The following SLC35F3 variants were observed in gnomAD, a reference collection of about 807,000 sequenced individuals.
SLC35F3 encodes solute carrier family 35 member F3.
In SLC35F3, 25 loss-of-function variants were observed where a neutral mutation model predicts 49.9. That is an observed-to-expected ratio of 0.50 (90% CI 0.37 to 0.70). The LOEUF (loss-of-function observed/expected upper bound fraction) is 0.70. Ranked by LOEUF, SLC35F3 falls within the 30% of genes least tolerant of loss-of-function variation. The pLI is 0.00. For missense variants in SLC35F3, 525 were observed against 639.8 expected, an observed-to-expected ratio of 0.82 and a Z score of 1.94; for synonymous variants, 275 against 265.4, an observed-to-expected ratio of 1.04 and a Z score of -0.35.
At chr1:234,223,311 G>A (rs1012261525) in intron 2 of SLC35F3, among the ~76,000 whole-genome samples, 1 of 152,100 alleles carries the variant, frequency 6.6e-6, no homozygotes, top group Non-Finnish European at 1.5e-5. Flanking sequence ...GCTGGATCAC[G>A]ACCTGACTCT....
rs538541602 is a variant in SLC35F3, at chr1:234,007,135, G to C, written c.283+101377G>C. ...GATGGTGGGCTGGATTTGGCTCAAG[G>C]CTGTAGTTTTCTGATCCCTGTTCTA... On this transcript the variant is annotated intron_variant, in intron 2 of 7. Coordinates refer to ENST00000366618, the MANE Select transcript of SLC35F3 (RefSeq NM_173508.4). Among the ~76,000 whole-genome samples, 49 of 152,200 alleles carry C rather than the reference G, an allele frequency of 3.2e-4. 1 individual carries two copies. The highest frequency in any genetic ancestry group is 1.1e-3 in the African/African-American group (46 of 41,496).
intron 5 of SLC35F3, among the ~76,000 whole-genome samples, chr1:234,317,751 C>T (rs1352904717): frequency 6.6e-6 from 1 of 152,146 alleles, no homozygotes; most frequent in African/African-American, 2.4e-5. Context: ...AATCTAGCAC[C>T]ACTCTGAGAC....
chr1:234,181,858 T>G (rs1329820173), intron 2 of SLC35F3, among the ~76,000 whole-genome samples: 1 of 152,214 alleles, frequency 6.6e-6, no homozygotes, highest in Non-Finnish European at 1.5e-5. Context: ...AAATACATAT[T>G]GTCTGGTTAT....
At chr1:234,220,907 C>T (rs1195099010) in intron 2 of SLC35F3, among the ~76,000 whole-genome samples, 2 of 151,942 alleles carry the variant, frequency 1.3e-5, no homozygotes, top group African/African-American at 2.4e-5. Flanking sequence ...ATGTAGGAGG[C>T]AGGGAAGTGG....
intron 3 of SLC35F3, among the ~76,000 whole-genome samples, chr1:234,302,620 G>A (rs1439222836): frequency 3.9e-5 from 6 of 152,122 alleles, no homozygotes; most frequent in African/African-American, 1.4e-4. Flanking sequence ...AAATGGGTAC[G>A]GGAAAAAGAG....
chr1:234,286,318 T>A (rs1244521814), intron 3 of SLC35F3, among the ~76,000 whole-genome samples: 1 of 150,328 alleles, frequency 6.7e-6, no homozygotes, highest in East Asian at 2.0e-4. Context: ...AAGGGCCAAA[T>A]AGAACAGAAA....
At chr1:234,123,824 C>T (rs1665610159) in intron 2 of SLC35F3, among the ~76,000 whole-genome samples, 1 of 152,182 alleles carries the variant, frequency 6.6e-6, no homozygotes, top group African/African-American at 2.4e-5. Flanking sequence ...AAAAGCCCAT[C>T]TTCAGGCCTG....
chr1:234,207,597 A>G (rs151036388), intron 2 of SLC35F3, among the ~76,000 whole-genome samples: 1 of 151,762 alleles, frequency 6.6e-6, no homozygotes, highest in African/African-American at 2.4e-5. Context: ...GACCTAGGAG[A>G]TTACCTAGTT....
chr1:233,954,906 C>T (rs773629982), intron 2 of SLC35F3, among the ~76,000 whole-genome samples: 7 of 152,080 alleles, frequency 4.6e-5, no homozygotes, highest in Non-Finnish European at 8.8e-5. Context: ...TGCAATGGTG[C>T]GATCTTGGCT....
At chr1:234,073,515 TC>T (rs1445426444) in intron 2 of SLC35F3, among the ~76,000 whole-genome samples, 2 of 152,128 alleles carry the variant, frequency 1.3e-5, no homozygotes, top group Non-Finnish European at 2.9e-5. Flanking sequence ...ACAAAAGTCA[TC>T]ATGGAAAGAA....
At position 234,308,499 on chromosome 1, in the gene SLC35F3, A is replaced by C. The variant is rs1453984476; in HGVS notation, c.609-602A>C. 3.9e-5 allele frequency among the ~76,000 whole-genome samples: 6 copies of C among 151,984 alleles called. 1 individual carries two copies. Among genetic ancestry groups the C allele is most frequent in the African/African-American group, 1.5e-4 (6 of 41,342 alleles). ...TAGCTCATCAGCTATCGTTAGTGTTAGTGTAGTTTGTATGTGGCCTAAGAC... is the reference window on the plus strand; with the variant it reads ...TAGCTCATCAGCTATCGTTAGTGTTCGTGTAGTTTGTATGTGGCCTAAGAC... On this transcript the variant is annotated intron_variant, in intron 3 of 7. Coordinates refer to ENST00000366618, the MANE Select transcript of SLC35F3 (RefSeq NM_173508.4).
chr1:234,293,865 CT>C (rs1240723782), intron 3 of SLC35F3, among the ~76,000 whole-genome samples: 1 of 152,218 alleles, frequency 6.6e-6, no homozygotes, highest in Non-Finnish European at 1.5e-5. Context: ...AAACTGTTCT[CT>C]TTAGGAATGA....
intron 2 of SLC35F3, among the ~76,000 whole-genome samples, chr1:234,121,982 G>A (rs1445993961): frequency 6.6e-6 from 1 of 152,186 alleles, no homozygotes; most frequent in African/African-American, 2.4e-5. Context: ...GGACATTTGG[G>A]TTGGTTCCAA....
At chr1:234,080,028 C>T (rs956647838) in intron 2 of SLC35F3, among the ~76,000 whole-genome samples, 3 of 152,146 alleles carry the variant, frequency 2.0e-5, no homozygotes, top group Non-Finnish European at 4.4e-5. Flanking sequence ...TGAGGTGACT[C>T]TTGGAGGGTG....
intron 2 of SLC35F3, among the ~76,000 whole-genome samples, chr1:233,980,872 A>G (rs1342988441): frequency 6.6e-6 from 1 of 152,362 alleles, no homozygotes; most frequent in African/African-American, 2.4e-5. Flanking sequence ...TTGTCTTAGC[A>G]TGTTTAATGC....
At chr1:234,277,012 G>A (rs573107517) in intron 3 of SLC35F3, among the ~76,000 whole-genome samples, 72 of 152,318 alleles carry the variant, frequency 4.7e-4, no homozygotes, top group African/African-American at 1.7e-3. Flanking sequence ...TCAATGCTGG[G>A]CTTTCTCTGA....
intron 3 of SLC35F3, among the ~76,000 whole-genome samples, chr1:234,277,893 G>T (rs774402570): frequency 6.6e-6 from 1 of 152,190 alleles, no homozygotes; most frequent in Non-Finnish European, 1.5e-5. Context: ...CATCACTTGG[G>T]AAAAAGAAAG....
chr1:233,907,879 C>T (rs1661802160), intron 2 of SLC35F3, among the ~76,000 whole-genome samples: 1 of 152,134 alleles, frequency 6.6e-6, no homozygotes, highest in African/African-American at 2.4e-5. Flanking sequence ...GCGTGCGCCA[C>T]CACATCCTGC....
intron 2 of SLC35F3, among the ~76,000 whole-genome samples, chr1:234,199,991 C>T (rs904661615): frequency 6.6e-6 from 1 of 152,126 alleles, no homozygotes; most frequent in Non-Finnish European, 1.5e-5. Context: ...TAATAGCACA[C>T]GTTTGGTGAA....
Sources: gnomAD v4.1 joint callset for allele counts (sites outside exome capture counted in the v4.1 genomes callset) on GRCh38, gnomAD v4.1.1 for gene constraint, MANE v1.5 for transcripts, NCBI Gene and HGNC (gene_info 2026-07-23, HGNC 2026-07-21) for gene names.